Variants in SATL1 observed in about 807,000 individuals in gnomAD.
SATL1 encodes the protein spermidine/spermine N(1)-acetyltransferase-like protein 1.
SATL1 carries 47 observed loss-of-function variants against 51.8 expected under a neutral mutation model. The ratio of observed to expected loss-of-function variants is 0.91; its 90% confidence interval spans 0.72 to 1.16. The LOEUF is 1.16. Among genes scored for constraint, SATL1 ranks in the 50% most tolerant of loss-of-function variants. The pLI is 0.00. For missense variants in SATL1, 520 were observed against 526.4 expected (o/e 0.99, Z 0.12); for synonymous variants, 176 against 182.4 (o/e 0.97, Z 0.28).
chrX:85,198,995 G>T (rs758831565), intron 2 of SATL1, among the ~76,000 whole-genome samples: 5 of 109,636 alleles, frequency 4.6e-5, no homozygotes, highest in African/African-American at 1.7e-4. Context: ...ACTCCACCAT[G>T]CCCAGCTAAT....
At chrX:85,168,022 CA>C (rs199932955) in intron 2 of SATL1, among the ~76,000 whole-genome samples, 11,762 of 100,530 alleles carry the variant, frequency 0.12, 574 homozygotes, top group South Asian at 0.18. Flanking sequence ...GAACTAAGAA[CA>C]AAAAAAAAAA....
intron 2 of SATL1, chrX:85,143,391 G>C (rs760015721): frequency 2.1e-4 from 23 of 111,324 alleles, no homozygotes; most frequent in African/African-American, 7.2e-4. Flanking sequence ...TTTAAATGTA[G>C]TTGTCAAGAC....
At position 85,108,053 on chromosome X, in the gene SATL1, T is replaced by C; in HGVS notation, c.916A>G (p.Thr306Ala). 1 of 1,211,860 alleles carries C rather than the reference T, an allele frequency of 8.3e-7. No homozygotes were observed. Among genetic ancestry groups the C allele is most frequent in the Non-Finnish European group, 1.1e-6 (1 of 895,556 alleles). ...MSQAGMRQSGTNLPDINQPGM... is the reference protein window; with the variant it reads ...MSQAGMRQSGANLPDINQPGM... ...GGTTGGTTTATGTCTGGTAGGTTTG[T>C]ACCTGATTGCCTCATGCCAGCTTGG... The change falls in exon 3 of 8, where the codon ACA becomes GCA. Residue 306 changes from threonine to alanine, a missense_variant. By Grantham distance (58) the Thr-to-Ala change is moderately conservative (BLOSUM62 0). Around this residue, in one of 3 missense-constraint regions of SATL1, gnomAD observed 488 missense variants for 474.3 expected, o/e 1.03. Transcript: ENST00000644105.
At chrX:85,158,665 G>A (rs1926648694) in intron 2 of SATL1, among the ~76,000 whole-genome samples, 1 of 111,365 alleles carries the variant, frequency 9.0e-6, no homozygotes, top group African/African-American at 3.3e-5. Flanking sequence ...CAGCTAATGG[G>A]CATATTCTTA....
intron 2 of SATL1, among the ~76,000 whole-genome samples, chrX:85,126,306 A>G (rs1925624046): frequency 1.8e-5 from 2 of 111,500 alleles, no homozygotes; most frequent in African/African-American, 6.5e-5. Context: ...GATCTAGATT[A>G]TTAATCATTT....
intron 1 of SATL1, among the ~76,000 whole-genome samples, chrX:85,233,417 T>C (rs1397825057): frequency 8.9e-6 from 1 of 112,222 alleles, no homozygotes; most frequent in Non-Finnish European, 1.9e-5. Flanking sequence ...TAGGAAAACA[T>C]GACCTCACCA....
At chrX:85,142,788 C>A (rs1926141485) in intron 2 of SATL1, 1 of 111,523 alleles carries the variant, frequency 9.0e-6, no homozygotes, top group Admixed American at 9.5e-5. Flanking sequence ...GAGAAAATAT[C>A]CTAATGAAAG....
At chrX:85,175,947 T>C (rs1405682946) in intron 2 of SATL1, among the ~76,000 whole-genome samples, 1 of 111,374 alleles carries the variant, frequency 9.0e-6, no homozygotes, top group Non-Finnish European at 1.9e-5. Context: ...ATTATATGGG[T>C]CAGCATTCTG....
At chrX:85,093,623 C>A (rs140139569) in intron 6 of SATL1, among the ~76,000 whole-genome samples, 1,337 of 112,517 alleles carry the variant, frequency 0.012, 11 homozygotes, top group Middle Eastern at 0.023. Context: ...AATCCCAGCA[C>A]TTTGGGAGGC....
At chrX:85,118,801 T>C (rs1925443103) in intron 2 of SATL1, among the ~76,000 whole-genome samples, 1 of 111,387 alleles carries the variant, frequency 9.0e-6, no homozygotes, top group Non-Finnish European at 1.9e-5. Context: ...AGGTAATACA[T>C]ATGTTAATTA....
chrX:85,182,340 C>G (rs1927223295), intron 2 of SATL1, among the ~76,000 whole-genome samples: 1 of 111,519 alleles, frequency 9.0e-6, no homozygotes. Context: ...AGAACATGCA[C>G]TATCTATATT....
rs1193726909 is a variant in SATL1 at position 85,149,584 on chromosome X, T to C, written c.-312-40304A>G. On this transcript the variant is annotated intron_variant, in intron 2 of 7. Coordinates refer to ENST00000644105, the MANE Select transcript of SATL1 (RefSeq NM_001367857.2). Reference sequence around the variant, plus strand: ...TGGAAGTAAAGCTCTCCTCAGCAAATGTAAAAGAACAGAAATTATAACAAA... The same window carrying C: ...TGGAAGTAAAGCTCTCCTCAGCAAACGTAAAAGAACAGAAATTATAACAAA... Among the ~76,000 whole-genome samples, 5 of 111,323 alleles carry C rather than the reference T, an allele frequency of 4.5e-5. No individual in the cohort carries two copies. In the East Asian group the frequency reaches 1.4e-3, roughly 31 times the overall value.
chrX:85,226,136 C>A (rs867800370), intron 1 of SATL1, among the ~76,000 whole-genome samples: 17 of 111,416 alleles, frequency 1.5e-4, no homozygotes, highest in African/African-American at 5.5e-4. Flanking sequence ...CTATTTCCCA[C>A]CCTTCCCCAT....
intron 2 of SATL1, among the ~76,000 whole-genome samples, chrX:85,176,344 A>G (rs1264023937): frequency 3.6e-5 from 4 of 111,917 alleles, no homozygotes; most frequent in Non-Finnish European, 7.5e-5. Flanking sequence ...ACTCAGCTAT[A>G]TCACTTCTGG....
chrX:85,201,797 C>T (rs756668982), intron 2 of SATL1, among the ~76,000 whole-genome samples: 67 of 112,138 alleles, frequency 6.0e-4, no homozygotes, highest in Non-Finnish European at 1.2e-3. Flanking sequence ...GAAATGACCT[C>T]GTTCTTTTAT....
chrX:85,139,292 T>C lies in SATL1; in HGVS notation c.-312-30012A>G, dbSNP rs1372762061. 9.8e-5 allele frequency among the ~76,000 whole-genome samples: 11 copies of C among 111,879 alleles called. No homozygotes were observed. The East Asian group carries it at 3.1e-3, about 31-fold the overall frequency. On this transcript the variant is annotated intron_variant, in intron 2 of 7. Transcript: ENST00000644105. ...TGGTAAATACACACATGTATATATG[T>C]ATATGTATTTATCATATACGTAAAT...
chrX:85,219,617 T>G lies in SATL1; in HGVS notation c.-313+4588A>C, dbSNP rs1376555870. ...AAAGCTAAGGAGTTACAGAAAAGCA[T>G]CATATCTAAATAAGGAGTTTTATTT... is the stretch of plus-strand genomic sequence containing the variant. On this transcript the variant is annotated intron_variant, in intron 2 of 7. Transcript: ENST00000644105. The G allele has an allele frequency of 1.8e-4, 20 of 112,281 alleles. No homozygotes were observed. In the Admixed American group the frequency reaches 1.9e-3, roughly 11 times the overall value. 9.3% of individuals were successfully genotyped at this position (112,281 alleles called of 1,213,427 possible).
intron 2 of SATL1, among the ~76,000 whole-genome samples, chrX:85,222,978 T>C (rs1290693343): frequency 8.9e-6 from 1 of 112,263 alleles, no homozygotes; most frequent in Non-Finnish European, 1.9e-5. Flanking sequence ...ACTTTTCTTT[T>C]AGAATGGCCT....
intron 2 of SATL1, among the ~76,000 whole-genome samples, chrX:85,150,506 C>G (rs896358808): frequency 9.2e-6 from 1 of 109,051 alleles, no homozygotes; most frequent in Non-Finnish European, 1.9e-5. Context: ...GGCAGAGACA[C>G]AACCAAAAAA....
Sources: gnomAD v4.1 joint callset for allele counts (sites outside exome capture counted in the v4.1 genomes callset) on GRCh38, gnomAD v4.1.1 for gene constraint, gnomAD v4.1.1 regional missense constraint, MANE v1.5 for transcripts, NCBI Gene and HGNC (gene_info 2026-07-23, HGNC 2026-07-21) for gene names.